Variants in GFPT2 observed in about 807,000 individuals in gnomAD.
GFPT2 encodes the protein glutamine--fructose-6-phosphate aminotransferase [isomerizing] 2.
Under a neutral mutation model 85.6 loss-of-function variants are expected in GFPT2, and 62 were observed. The observed-to-expected ratio is 0.72, with a 90% CI of 0.59 to 0.90. GFPT2 has a LOEUF of 0.90. Ranked by LOEUF, GFPT2 falls within the 40% of genes least tolerant of loss-of-function variation. The probability of loss-of-function intolerance (pLI) is 0.00; values close to 1 mark genes in which losing one functional copy is unlikely to be tolerated. For synonymous variants in GFPT2, 368 were observed against 344.5 expected (o/e 1.07, Z -0.75); for missense variants, 788 against 893.4 (o/e 0.88, Z 1.50).
intron 13 of GFPT2, among the ~76,000 whole-genome samples, chr5:180,315,369 G>A (rs548950806): frequency 2.0e-5 from 3 of 152,082 alleles, no homozygotes; most frequent in East Asian, 1.9e-4. Context: ...TAGTAGAGAC[G>A]GGGTTTCACT....
chr5:180,334,424 C>T lies in GFPT2; in HGVS notation c.340+1404G>A, dbSNP rs566994964. 2.0e-5 allele frequency among the ~76,000 whole-genome samples: 3 copies of T among 152,306 alleles called. No individual in the cohort carries two copies. In the East Asian group the frequency reaches 5.8e-4, roughly 29 times the overall value. On this transcript the variant is annotated intron_variant, in intron 4 of 18. Transcript: ENST00000253778. ...CCCATCCCGCCCAGTTACACTGCCT[C>T]GGAGAACCACTGATCAGCAGTGGGT...
intron 13 of GFPT2, 109 bp downstream of exon 13, chr5:180,316,232 G>A: frequency 3.6e-6 from 4 of 1,108,200 alleles, no homozygotes; most frequent in Non-Finnish European, 5.3e-6. Context: ...GCAAGAGAGG[G>A]TTCGCAGCAC....
chr5:180,338,685 G>T, intron 1 of GFPT2, 85 bp from the exon 2 acceptor site: 1 of 789,906 alleles, frequency 1.3e-6, no homozygotes. Context: ...GCACCGAGGT[G>T]GCATCACAAA....
Position 180,312,231 on chromosome 5 carries a change from G to C in GFPT2, c.1546+199C>G, listed in dbSNP as rs181799313. On this transcript the variant is annotated intron_variant, in intron 15 of 18. Transcript: ENST00000253778. ...GGAGGCAGGGAGGCAGGGAGGCAGCGCGGCAGCGCAGGGGGAGGTGGGGGC... is the reference window on the plus strand; with the variant it reads ...GGAGGCAGGGAGGCAGGGAGGCAGCCCGGCAGCGCAGGGGGAGGTGGGGGC... Among the ~76,000 whole-genome samples, 315 of 151,108 alleles carry C rather than the reference G, an allele frequency of 2.1e-3. 15 individuals carry two copies. The highest frequency in any genetic ancestry group is 0.017 in the Middle Eastern group (5 of 292).
chr5:180,338,066 A>C (rs939100532), intron 2 of GFPT2, among the ~76,000 whole-genome samples: 6 of 152,228 alleles, frequency 3.9e-5, no homozygotes, highest in Admixed American at 3.3e-4. Flanking sequence ...TTGAGGCTGC[A>C]GTGAGCCAAT....
In GFPT2 at chr5:180,330,619, C is replaced by A; in HGVS notation, c.534+81G>T. On this transcript the variant is annotated intron_variant, in intron 6 of 18. Coordinates refer to ENST00000253778, the MANE Select transcript of GFPT2 (RefSeq NM_005110.4). The surrounding 1 kb of genome is among the most constrained non-coding windows in gnomAD (Gnocchi z 4.4). ...AAGGGCTTATAAAAAATGAAGGATT[C>A]CTTGGCACTTGCTGCTTGAAAAAAA... 1 of 1,172,870 alleles carries A rather than the reference C, an allele frequency of 8.5e-7. No homozygotes were observed. Among genetic ancestry groups the A allele is most frequent in the Non-Finnish European group, 1.2e-6 (1 of 800,252 alleles). The allele number at this position is 1,172,870 out of a possible 1,614,324, so 72.7% of individuals were successfully genotyped here. A position where few individuals can be genotyped will look rare whatever the true frequency, so the allele number is the denominator to read the frequency against.
Position 180,353,332 on chromosome 5 carries a change from C to CGCG in GFPT2, c.-116_-115insCGC. The CGCG allele has an allele frequency of 4.1e-6, 3 of 738,830 alleles. No individual in the cohort carries two copies. Among genetic ancestry groups the CGCG allele is most frequent in the Non-Finnish European group, 5.2e-6 (3 of 581,734 alleles). 45.8% of individuals were successfully genotyped at this position (738,830 alleles called of 1,614,324 possible). A position where few individuals can be genotyped will look rare whatever the true frequency, so the allele number is the denominator to read the frequency against. ...TGGGCTCCGTGGGCTCCGCGGGCTC[C>CGCG]AGCTCCCGTCCGCTCGGCCTCCAGC... On this transcript the variant is annotated 5_prime_UTR_variant, in exon 1 of 19. Transcript: ENST00000253778.
intron 5 of GFPT2, among the ~76,000 whole-genome samples, chr5:180,331,217 A>G (rs1017193896): frequency 1.3e-5 from 2 of 152,220 alleles, no homozygotes; most frequent in African/African-American, 4.8e-5. Flanking sequence ...TGTGTTATAT[A>G]ATGCAGACAG....
rs1454004874 is a variant in GFPT2 at position 180,313,834 on chromosome 5, C to G, written c.1404G>C (p.Gly468=). ...TGGTGCTGGCCACGCCGATCTCCGG[C>G]CCTGCGTTGATGTGGACGCCGCAGT... is the stretch of plus-strand genomic sequence containing the variant. ...ETDCGVHINA[G]PEIGVASTKA... The change falls in exon 14 of 19, where the codon GGG becomes GGC. Residue 468 remains glycine, a synonymous_variant. Transcript: ENST00000253778. The G allele has an allele frequency of 6.3e-7, 1 of 1,582,388 alleles. No individual in the cohort carries two copies. The highest frequency in any genetic ancestry group is 1.3e-5 in the African/African-American group (1 of 74,476).
In GFPT2 at chr5:180,316,745, G is replaced by T; in HGVS notation, c.1152+19C>A. 2 of 1,552,538 alleles carry T rather than the reference G, an allele frequency of 1.3e-6. No individual in the cohort carries two copies. The highest frequency in any genetic ancestry group is 1.8e-6 in the Non-Finnish European group (2 of 1,125,496). On this transcript the variant is annotated intron_variant, in intron 12 of 18. Transcript: ENST00000253778. ...CCTAGACTGCCGTCGACTTCCCCACGCACATGTGTCACACTTACAGCCACG... is the reference window on the plus strand; with the variant it reads ...CCTAGACTGCCGTCGACTTCCCCACTCACATGTGTCACACTTACAGCCACG...
intron 1 of GFPT2, among the ~76,000 whole-genome samples, chr5:180,341,472 A>G (rs1764514024): frequency 6.6e-6 from 1 of 152,276 alleles, no homozygotes; most frequent in Non-Finnish European, 1.5e-5. Context: ...GGGTCCCATC[A>G]TATAAACTTA....
intron 13 of GFPT2, among the ~76,000 whole-genome samples, chr5:180,315,799 A>T (rs1428956076): frequency 1.3e-5 from 2 of 152,162 alleles, no homozygotes; most frequent in East Asian, 1.9e-4. Flanking sequence ...TTGGGATGGC[A>T]CCAGATGGGG....
chr5:180,309,730 G>A (rs931887679), intron 15 of GFPT2, among the ~76,000 whole-genome samples: 2 of 151,888 alleles, frequency 1.3e-5, no homozygotes, highest in African/African-American at 2.4e-5. Context: ...AAGGCGCTAC[G>A]TGTACTCCCC....
At chr5:180,315,023 G>A (rs1304573711) in intron 13 of GFPT2, among the ~76,000 whole-genome samples, 2 of 152,064 alleles carry the variant, frequency 1.3e-5, no homozygotes, top group South Asian at 4.1e-4. Context: ...CCGGATGGTC[G>A]GTGTATCTGT....
intron 17 of GFPT2, among the ~76,000 whole-genome samples, chr5:180,303,206 G>A (rs1173697379): frequency 6.0e-5 from 9 of 150,058 alleles, no homozygotes; most frequent in Non-Finnish European, 1.2e-4. Flanking sequence ...CTCCAGCCTG[G>A]GCGACAGAGC....
intron 1 of GFPT2, among the ~76,000 whole-genome samples, chr5:180,344,719 C>G (rs1764575577): frequency 6.6e-6 from 1 of 152,202 alleles, no homozygotes; most frequent in Admixed American, 6.5e-5. Flanking sequence ...TCCGAAGCAC[C>G]AGGGCCACAA....
intron 10 of GFPT2, 33 bp from the exon 11 acceptor site, chr5:180,317,091 T>G: frequency 7.9e-7 from 1 of 1,270,462 alleles, no homozygotes; most frequent in Non-Finnish European, 1.2e-6. Context: ...AGTTTTAATT[T>G]CATTATATTT....
In GFPT2 at chr5:180,302,847, G is replaced by A. The variant is rs547489544; in HGVS notation, c.1843-263C>T. On this transcript the variant is annotated intron_variant, in intron 17 of 18. Coordinates refer to ENST00000253778, the MANE Select transcript of GFPT2 (RefSeq NM_005110.4). ...ATTTGGCACCCATTTGTGCCTTGCC[G>A]AGAGCGGGGCAGACTCACTCCTAAC... Among the ~76,000 whole-genome samples, 52 of 152,298 alleles carry A rather than the reference G, an allele frequency of 3.4e-4. 1 individual carries two copies. Among genetic ancestry groups the A allele is most frequent in the Admixed American group, 2.0e-3 (30 of 15,304 alleles).
At chr5:180,339,986 T>C (rs560391230) in intron 1 of GFPT2, among the ~76,000 whole-genome samples, 1 of 152,352 alleles carries the variant, frequency 6.6e-6, no homozygotes, top group South Asian at 2.1e-4. Context: ...CTGTCCTAAG[T>C]TGGCTTGGGC....
Sources: gnomAD v4.1 joint callset for allele counts (sites outside exome capture counted in the v4.1 genomes callset) on GRCh38, gnomAD v4.1.1 for gene constraint, Gnocchi (gnomAD v3.1) non-coding constraint, MANE v1.5 for transcripts, NCBI Gene and HGNC (gene_info 2026-07-23, HGNC 2026-07-21) for gene names.